The following FBXO10 variants were observed in gnomAD, a reference collection of about 807,000 sequenced individuals.
FBXO10 encodes the protein F-box protein 10.
FBXO10 carries 39 observed loss-of-function variants against 80.7 expected under a neutral mutation model. That is an observed-to-expected ratio of 0.48 (90% CI 0.37 to 0.63). The LOEUF is 0.63. FBXO10 is among the 30% of genes least tolerant of loss of function. The probability of loss-of-function intolerance (pLI) is 0.00; values close to 1 mark genes in which losing one functional copy is unlikely to be tolerated. For missense variants in FBXO10, 1,025 were observed against 1,269.0 expected (o/e 0.81, Z 2.92); for synonymous variants, 449 against 489.6 (o/e 0.92, Z 1.09).
At chr9:37,558,134 T>C (rs1172523757) in intron 1 of FBXO10, among the ~76,000 whole-genome samples, 1 of 152,202 alleles carries the variant, frequency 6.6e-6, no homozygotes, top group Non-Finnish European at 1.5e-5. Flanking sequence ...CTGAGATGCT[T>C]TATCCATGAT....
chr9:37,568,475 G>A (rs1822665809), intron 1 of FBXO10, among the ~76,000 whole-genome samples: 2 of 152,130 alleles, frequency 1.3e-5, no homozygotes, highest in South Asian at 2.1e-4. Context: ...TGGGATTACA[G>A]GTGTGAGCCA....
At chr9:37,543,121 T>C (rs577573681) in intron 1 of FBXO10, among the ~76,000 whole-genome samples, 1 of 152,354 alleles carries the variant, frequency 6.6e-6, no homozygotes, top group East Asian at 1.9e-4. Flanking sequence ...GTTTTGGTCC[T>C]GGCTCTGCCA....
chr9:37,569,395 C>CA (rs35292200), intron 1 of FBXO10, among the ~76,000 whole-genome samples: 62,587 of 122,926 alleles, frequency 0.51, 16,981 homozygotes, highest in East Asian at 0.88. Context: ...AGATATAAAG[C>CA]AAAAAAAAAA....
At chr9:37,529,098 T>C (rs754000578) in intron 5 of FBXO10, 26 bp downstream of exon 5, 2 of 1,613,506 alleles carry the variant, frequency 1.2e-6, no homozygotes, top group Non-Finnish European at 1.7e-6. Flanking sequence ...TTAACAAAGA[T>C]GAAGGAGGGA....
rs1244301258 is a variant in FBXO10, at chr9:37,541,430, C to T, written c.339G>A (p.Gly113=). The change falls in exon 2 of 11, where the codon GGG becomes GGA. Residue 113 remains glycine (G), a synonymous_variant. Transcript: ENST00000432825. ...CCAGGCTGTCAAACTCACGGCCTGGCCCAACACTCAGGGTACGTCGTTCCC... is the reference window on the plus strand; with the variant it reads ...CCAGGCTGTCAAACTCACGGCCTGGTCCAACACTCAGGGTACGTCGTTCCC... ...RRRERRTLSV[G]PGREFDSLGS... is the part of the protein sequence containing the mutation. The T allele has an allele frequency of 1.9e-6, 3 of 1,614,006 alleles. No individual in the cohort carries two copies. The Admixed American group carries it at 5.0e-5, about 27-fold the overall frequency.
chr9:37,559,899 T>C (rs1279615569), intron 1 of FBXO10, among the ~76,000 whole-genome samples: 1 of 152,226 alleles, frequency 6.6e-6, no homozygotes. Flanking sequence ...GTTAAGGCAC[T>C]AAGAACTTGC....
rs370388641 is a variant in FBXO10 at position 37,569,426 on chromosome 9, T to C, written c.-7+6785A>G. Among the ~76,000 whole-genome samples the C allele has an allele frequency of 7.9e-5, 11 of 139,154 alleles. No individual in the cohort carries two copies. In the East Asian group the frequency reaches 1.1e-3, roughly 13 times the overall value. 91.3% of individuals were successfully genotyped at this position (139,154 alleles called of 152,430 possible). ...AAAAAAAAAAAATTAAAAGATGAAG[T>C]AGACAAATTCATAATTATACTTGGA... is the stretch of plus-strand genomic sequence containing the variant. On this transcript the variant is annotated intron_variant, in intron 1 of 10. Transcript: ENST00000432825.
chr9:37,516,960 CAAAAA>C (rs56108001), intron 9 of FBXO10, among the ~76,000 whole-genome samples: 1 of 112,448 alleles, frequency 8.9e-6, no homozygotes, highest in Non-Finnish European at 1.8e-5. Flanking sequence ...AACTCCATCT[CAAAAA>C]AAAAAAAAAC....
chr9:37,522,313 G>A (rs977046843), intron 7 of FBXO10: 13 of 986,216 alleles, frequency 1.3e-5, no homozygotes, highest in African/African-American at 3.5e-5. Context: ...AGGATTAAAT[G>A]TGATCATGCA....
At position 37,567,029 on chromosome 9, in the gene FBXO10, G is replaced by C. The variant is rs985439896; in HGVS notation, c.-7+9182C>G. 4.6e-5 allele frequency among the ~76,000 whole-genome samples: 7 copies of C among 152,280 alleles called. No homozygotes were observed. In the East Asian group the frequency reaches 1.4e-3, roughly 29 times the overall value. ...AGTTGCAGGGGGGTCCCCAGATCCA[G>C]GTTTTAGTACTGATTCTCACATAAA... On this transcript the variant is annotated intron_variant, in intron 1 of 10. Transcript: ENST00000432825.
intron 1 of FBXO10, among the ~76,000 whole-genome samples, chr9:37,554,118 T>C (rs1416384297): frequency 6.6e-6 from 1 of 152,214 alleles, no homozygotes; most frequent in African/African-American, 2.4e-5. Context: ...TACAATTTTA[T>C]CACCTGTGTA....
intron 1 of FBXO10, among the ~76,000 whole-genome samples, chr9:37,548,934 C>G (rs1822124068): frequency 1.3e-5 from 2 of 151,974 alleles, no homozygotes; most frequent in African/African-American, 4.8e-5. Flanking sequence ...AATTTTAGTA[C>G]AGACGGGGTT....
chr9:37,538,035 C>A, intron 2 of FBXO10, 92 bp from the exon 3 acceptor site: 1 of 975,748 alleles, frequency 1.0e-6, no homozygotes, highest in Non-Finnish European at 1.6e-6. Flanking sequence ...CATGGAAAGG[C>A]CATTTGTTCT....
intron 1 of FBXO10, among the ~76,000 whole-genome samples, chr9:37,542,041 C>T (rs1290661263): frequency 6.6e-6 from 1 of 151,578 alleles, no homozygotes; most frequent in African/African-American, 2.4e-5. Flanking sequence ...GTTGGTCAGG[C>T]TGGTCTCAAA....
At chr9:37,544,009 G>A (rs1355122201) in intron 1 of FBXO10, among the ~76,000 whole-genome samples, 3 of 152,128 alleles carry the variant, frequency 2.0e-5, no homozygotes, top group Admixed American at 6.5e-5. Context: ...GCTCGTGCCT[G>A]TAATCCCAGC....
chr9:37,550,925 GT>G lies in FBXO10; in HGVS notation c.-6-9152del, dbSNP rs535858213. ...TTCCAGCATCAGTTTTAAAGTCTAA[GT>G]CCACAGTCTCATCTAAACCAGATAT... On this transcript the variant is annotated intron_variant, in intron 1 of 10. Transcript: ENST00000432825. Among the ~76,000 whole-genome samples the G allele has an allele frequency of 1.1e-4, 16 of 152,282 alleles. No homozygotes were observed. The East Asian group carries it at 3.1e-3, about 29-fold the overall frequency.
chr9:37,526,534 A>T (rs1405134042), intron 5 of FBXO10, among the ~76,000 whole-genome samples: 1 of 152,198 alleles, frequency 6.6e-6, no homozygotes, highest in Non-Finnish European at 1.5e-5. Flanking sequence ...TTGGTGTATT[A>T]GTTTCCTATT....
At position 37,517,717 on chromosome 9, in the gene FBXO10, G is replaced by C. The variant is rs140464501; in HGVS notation, c.2514+408C>G. 2.9e-3 allele frequency among the ~76,000 whole-genome samples: 447 copies of C among 152,324 alleles called. 1 individual carries two copies. The highest frequency in any genetic ancestry group is 9.3e-3 in the African/African-American group (385 of 41,570). ...AGGTATGCAGGGTATATAGGGAAGA[G>C]TGTATGCAAAGGCCCCAAGGCAGGA... is the stretch of plus-strand genomic sequence containing the variant. On this transcript the variant is annotated intron_variant, in intron 9 of 10. Coordinates refer to ENST00000432825, the MANE Select transcript of FBXO10 (RefSeq NM_012166.3).
rs962357332 is a variant in FBXO10 at position 37,546,150 on chromosome 9, A to G, written c.-6-4376T>C. Among the ~76,000 whole-genome samples the G allele has an allele frequency of 3.3e-5, 5 of 152,212 alleles. No individual in the cohort carries two copies. In the South Asian group the frequency reaches 1.0e-3, roughly 32 times the overall value. ...AAGAGCAAAACTCCATCTAAAAAAAAAAAAGACTGTGATTTTTGAAAGAAA... is the reference window on the plus strand; with the variant it reads ...AAGAGCAAAACTCCATCTAAAAAAAGAAAAGACTGTGATTTTTGAAAGAAA... On this transcript the variant is annotated intron_variant, in intron 1 of 10. Transcript: ENST00000432825.
Sources: gnomAD v4.1 joint callset for allele counts (sites outside exome capture counted in the v4.1 genomes callset) on GRCh38, gnomAD v4.1.1 for gene constraint, MANE v1.5 for transcripts, NCBI Gene and HGNC (gene_info 2026-07-23, HGNC 2026-07-21) for gene names.